KCNIP4: variants seen among roughly 807,000 people sequenced by gnomAD.
KCNIP4 encodes potassium voltage-gated channel interacting protein 4.
Under a neutral mutation model 34.0 loss-of-function variants are expected in KCNIP4, and 12 were observed. The ratio of observed to expected loss-of-function variants is 0.35; its 90% CI spans 0.23 to 0.57. KCNIP4 has a LOEUF of 0.57. KCNIP4 is among the 20% of genes least tolerant of loss of function. The pLI is 0.83. For synonymous variants in KCNIP4, 124 were observed against 102.2 expected, an observed-to-expected ratio of 1.21 and a Z score of -1.29; for missense variants, 238 against 311.7, an observed-to-expected ratio of 0.76 and a Z score of 1.78.
intron 3 of KCNIP4, among the ~76,000 whole-genome samples, chr4:20,811,690 C>T (rs145824303): frequency 0.01 from 1,570 of 152,146 alleles, 32 homozygotes; most frequent in African/African-American, 0.036. Flanking sequence ...GGTGACAGGA[C>T]GGTTTGAAGA....
intron 2 of KCNIP4, among the ~76,000 whole-genome samples, chr4:20,879,590 A>G (rs6447994): frequency 0.21 from 32,523 of 152,182 alleles, 3,871 homozygotes; most frequent in East Asian, 0.32. Flanking sequence ...TTCTTCATGC[A>G]GAAAATCTTT....
intron 1 of KCNIP4, among the ~76,000 whole-genome samples, chr4:21,914,181 T>G (rs1260210777): frequency 1.3e-5 from 2 of 152,056 alleles, no homozygotes; most frequent in African/African-American, 4.8e-5. Flanking sequence ...AGGAAGGAAG[T>G]CACTAGAAGA....
chr4:21,308,404 C>G (rs1237716730), intron 1 of KCNIP4, among the ~76,000 whole-genome samples: 1 of 152,162 alleles, frequency 6.6e-6, no homozygotes, highest in African/African-American at 2.4e-5. Context: ...CTAAATACCC[C>G]TCTTTGAGGA....
intron 1 of KCNIP4, among the ~76,000 whole-genome samples, chr4:21,112,264 A>G (rs980461884): frequency 1.1e-4 from 16 of 152,164 alleles, no homozygotes; most frequent in African/African-American, 3.9e-4. Flanking sequence ...TTCAGGATCT[A>G]TCTAGCTCTA....
At chr4:21,105,654 G>C (rs570805661) in intron 1 of KCNIP4, among the ~76,000 whole-genome samples, 1 of 151,634 alleles carries the variant, frequency 6.6e-6, no homozygotes, top group Non-Finnish European at 1.5e-5. Flanking sequence ...TGGTGGGAGA[G>C]GGTATCCCTG....
chr4:20,864,099 C>CGTAT (rs563264505), intron 2 of KCNIP4, among the ~76,000 whole-genome samples: 1 of 146,918 alleles, frequency 6.8e-6, no homozygotes, highest in African/African-American at 2.5e-5. Context: ...TGCATGTATA[C>CGTAT]GTATGTATGT....
intron 1 of KCNIP4, among the ~76,000 whole-genome samples, chr4:21,630,455 C>CA (rs11326754): frequency 9.1e-4 from 128 of 140,564 alleles, no homozygotes; most frequent in Middle Eastern, 3.7e-3. Context: ...GAGATTCCAT[C>CA]AAAAAAAAAA....
At chr4:21,670,803 CTG>C (rs1749430348) in intron 1 of KCNIP4, among the ~76,000 whole-genome samples, 2 of 151,978 alleles carry the variant, frequency 1.3e-5, no homozygotes, top group African/African-American at 4.8e-5. Flanking sequence ...CTACAGGTGC[CTG>C]CAACCACGCC....
intron 1 of KCNIP4, among the ~76,000 whole-genome samples, chr4:21,856,927 T>C (rs917096230): frequency 6.6e-6 from 1 of 152,116 alleles, no homozygotes; most frequent in Non-Finnish European, 1.5e-5. Context: ...CTCCAGACTT[T>C]GGGCACCGAG....
intron 1 of KCNIP4, among the ~76,000 whole-genome samples, chr4:21,235,979 G>T (rs978782572): frequency 6.6e-6 from 1 of 152,012 alleles, no homozygotes; most frequent in Admixed American, 6.6e-5. Context: ...CCTAGATAAG[G>T]TCTAAAGTCA....
At chr4:21,193,331 T>G (rs540920251) in intron 1 of KCNIP4, among the ~76,000 whole-genome samples, 1 of 152,266 alleles carries the variant, frequency 6.6e-6, no homozygotes, top group African/African-American at 2.4e-5. Context: ...GGAGAAAAAG[T>G]AAAGCTTGCA....
intron 1 of KCNIP4, among the ~76,000 whole-genome samples, chr4:21,234,932 G>C (rs559235104): frequency 4.3e-4 from 66 of 152,068 alleles, no homozygotes; most frequent in African/African-American, 1.5e-3. Flanking sequence ...ATAGGCATAC[G>C]CCACCACTTC....
intron 1 of KCNIP4, among the ~76,000 whole-genome samples, chr4:21,445,947 T>A (rs1182684645): frequency 6.6e-6 from 1 of 151,860 alleles, no homozygotes; most frequent in Non-Finnish European, 1.5e-5. Flanking sequence ...AACAACCCCA[T>A]CAAAAACTGG....
intron 1 of KCNIP4, among the ~76,000 whole-genome samples, chr4:21,356,054 C>T (rs1396033272): frequency 2.0e-5 from 3 of 152,008 alleles, no homozygotes; most frequent in Non-Finnish European, 2.9e-5. Flanking sequence ...ACAAAAACCA[C>T]GATTATTTCA....
In KCNIP4 at chr4:21,240,854, C is replaced by T. The variant is rs114348269; in HGVS notation, c.62-358145G>A. ...GAAACACTTGTTTCTTAAAAATTTACATTTGCTTTAATGTTGAAGTTTTTC... is the reference window on the plus strand; with the variant it reads ...GAAACACTTGTTTCTTAAAAATTTATATTTGCTTTAATGTTGAAGTTTTTC... On this transcript the variant is annotated intron_variant, in intron 1 of 8. Coordinates refer to ENST00000382152, the MANE Select transcript of KCNIP4 (RefSeq NM_025221.6). 9.4e-3 allele frequency among the ~76,000 whole-genome samples: 1,438 copies of T among 152,242 alleles called. 28 individuals carry two copies. The highest frequency in any genetic ancestry group is 0.033 in the African/African-American group (1,370 of 41,560).
intron 1 of KCNIP4, among the ~76,000 whole-genome samples, chr4:20,938,340 T>C (rs1161423114): frequency 1.3e-5 from 2 of 152,076 alleles, no homozygotes; most frequent in Non-Finnish European, 2.9e-5. Context: ...AGACCAGCTA[T>C]ATTTCATGAA....
At position 20,806,318 on chromosome 4, in the gene KCNIP4, G is replaced by C. The variant is rs1418788366; in HGVS notation, c.288+44225C>G. ...TGCTAGTTTCCATTTCATGCATATT[G>C]CTGTTTCACCATCTCTCTTGTGTGC... On this transcript the variant is annotated intron_variant, in intron 3 of 8. Transcript: ENST00000382152. Among the ~76,000 whole-genome samples the C allele has an allele frequency of 2.6e-5, 4 of 151,298 alleles. No homozygotes were observed. In the South Asian group the frequency reaches 6.3e-4, roughly 24 times the overall value.
At chr4:20,929,759 G>A (rs1364844170) in intron 1 of KCNIP4, among the ~76,000 whole-genome samples, 3 of 151,836 alleles carry the variant, frequency 2.0e-5, no homozygotes, top group East Asian at 1.9e-4. Flanking sequence ...TGAAAAAGAC[G>A]CTTTAAAATC....
At chr4:21,851,475 G>A (rs1996129) in intron 1 of KCNIP4, 1 of 152,134 alleles carries the variant, frequency 6.6e-6, no homozygotes, top group East Asian at 1.9e-4. Flanking sequence ...CATTATGCAA[G>A]TGATGGTCAC....
Sources: allele counts gnomAD v4.1 joint callset (sites outside exome capture counted in the v4.1 genomes callset), GRCh38; gene constraint gnomAD v4.1.1; transcripts MANE v1.5; gene names NCBI Gene and HGNC (gene_info 2026-07-23, HGNC 2026-07-21).